The following MAGI1 variants were observed in gnomAD, a reference collection of about 807,000 sequenced individuals.
MAGI1 encodes membrane associated guanylate kinase, WW and PDZ domain containing 1.
Under a neutral mutation model 139.9 loss-of-function variants are expected in MAGI1, and 58 were observed. That is an observed-to-expected ratio of 0.41 (90% confidence interval 0.34 to 0.52). The LOEUF (loss-of-function observed/expected upper bound fraction) is 0.52, where lower values mean the gene tolerates loss of function less well. Ranked by LOEUF, MAGI1 falls within the 20% of genes least tolerant of loss-of-function variation. The pLI is 0.12. For synonymous variants in MAGI1, 812 were observed against 737.9 expected (o/e 1.10, Z -1.63); for missense variants, 1,874 against 1,901.6 (o/e 0.99, Z 0.27).
chr3:65,758,751 G>A (rs1326208447), intron 1 of MAGI1, among the ~76,000 whole-genome samples: 1 of 151,996 alleles, frequency 6.6e-6, no homozygotes, highest in Non-Finnish European at 1.5e-5. Flanking sequence ...TGGCAAGGTT[G>A]AGAAACTGTG....
chr3:65,527,169 C>G lies in MAGI1; in HGVS notation c.431-33538G>C, dbSNP rs573712065. Among the ~76,000 whole-genome samples the G allele has an allele frequency of 1.2e-4, 19 of 152,338 alleles. No homozygotes were observed. In the East Asian group the frequency reaches 3.3e-3, roughly 26 times the overall value. Reference sequence around the variant, plus strand: ...AACAGCTCCTTTGTCACACCAGTGGCTCCTTTTAGGAAGCAAAGACCCAGC... The same window carrying G: ...AACAGCTCCTTTGTCACACCAGTGGGTCCTTTTAGGAAGCAAAGACCCAGC... On this transcript the variant is annotated intron_variant, in intron 2 of 22. Coordinates refer to ENST00000402939, the MANE Select transcript of MAGI1 (RefSeq NM_001033057.2).
chr3:65,897,535 G>A (rs2061026199), intron 1 of MAGI1, among the ~76,000 whole-genome samples: 1 of 152,144 alleles, frequency 6.6e-6, no homozygotes. Context: ...GTTAATGGGT[G>A]CAGCAAACCA....
intron 1 of MAGI1, among the ~76,000 whole-genome samples, chr3:65,866,280 C>A (rs890440049): frequency 6.7e-6 from 1 of 148,678 alleles, no homozygotes; most frequent in Non-Finnish European, 1.5e-5. Flanking sequence ...GTGGTGTGAT[C>A]ATGGCTCACT....
At chr3:65,361,040 A>T in intron 22 of MAGI1, 159 bp downstream of exon 22, 1 of 1,513,330 alleles carries the variant, frequency 6.6e-7, no homozygotes, top group Non-Finnish European at 8.9e-7. Flanking sequence ...AAATGTGTAG[A>T]GATTTCAGAA....
chr3:65,646,029 A>T (rs533042495), intron 1 of MAGI1, among the ~76,000 whole-genome samples: 53 of 152,188 alleles, frequency 3.5e-4, no homozygotes, highest in Non-Finnish European at 5.9e-4. Context: ...AAATAAAAAG[A>T]CATAATTTTT....
intron 1 of MAGI1, among the ~76,000 whole-genome samples, chr3:65,989,280 C>A (rs1243901442): frequency 2.0e-5 from 3 of 152,156 alleles, no homozygotes; most frequent in Non-Finnish European, 4.4e-5. Context: ...ACCACATTCT[C>A]AGCTCAGTGT....
intron 1 of MAGI1, among the ~76,000 whole-genome samples, chr3:66,035,160 T>C (rs1309138145): frequency 6.6e-6 from 1 of 152,208 alleles, no homozygotes; most frequent in African/African-American, 2.4e-5. Flanking sequence ...AAGGACTGTC[T>C]TCTCCATTTA....
intron 1 of MAGI1, among the ~76,000 whole-genome samples, chr3:65,657,582 A>C (rs2085951781): frequency 6.6e-6 from 1 of 152,176 alleles, no homozygotes; most frequent in East Asian, 1.9e-4. Context: ...GCCCAAATGA[A>C]CACCACTCTC....
chr3:65,477,712 T>TTTA (rs1553650546), intron 4 of MAGI1, among the ~76,000 whole-genome samples: 5 of 88,670 alleles, frequency 5.6e-5, no homozygotes, highest in African/African-American at 2.3e-4. Flanking sequence ...ATTATTATTA[T>TTTA]TTTTTTTTTT....
At chr3:65,557,695 T>C (rs1053196443) in intron 2 of MAGI1, among the ~76,000 whole-genome samples, 1 of 152,204 alleles carries the variant, frequency 6.6e-6, no homozygotes, top group Non-Finnish European at 1.5e-5. Context: ...AGTGCCAGTC[T>C]CCTCATCAGT....
intron 2 of MAGI1, among the ~76,000 whole-genome samples, chr3:65,552,258 G>T (rs913753983): frequency 9.3e-6 from 1 of 107,522 alleles, no homozygotes; most frequent in African/African-American, 3.8e-5. Context: ...GTGTGTATAG[G>T]GGTGTGTGTG....
intron 14 of MAGI1, among the ~76,000 whole-genome samples, chr3:65,384,780 G>GT (rs1943316674): frequency 6.8e-6 from 1 of 147,822 alleles, no homozygotes; most frequent in Non-Finnish European, 1.5e-5. Context: ...TATAGGAAGG[G>GT]GTGTGTGTGT....
At chr3:65,795,726 C>CACACACACAT (rs1553708462) in intron 1 of MAGI1, among the ~76,000 whole-genome samples, 1 of 149,040 alleles carries the variant, frequency 6.7e-6, no homozygotes, top group Non-Finnish European at 1.5e-5. Flanking sequence ...CACACACACA[C>CACACACACAT]GGAGAGAGAG....
At chr3:65,517,007 C>T (rs535553524) in intron 2 of MAGI1, among the ~76,000 whole-genome samples, 5 of 151,780 alleles carry the variant, frequency 3.3e-5, no homozygotes, top group Non-Finnish European at 5.9e-5. Context: ...GGATTACAGG[C>T]GTGAGCCACC....
intron 1 of MAGI1, among the ~76,000 whole-genome samples, chr3:65,892,976 C>T (rs1359343045): frequency 6.6e-6 from 1 of 152,134 alleles, no homozygotes; most frequent in African/African-American, 2.4e-5. Context: ...AGTAAAACTG[C>T]AATCATTGTT....
intron 1 of MAGI1, among the ~76,000 whole-genome samples, chr3:65,694,828 T>C (rs963655387): frequency 2.0e-5 from 3 of 152,246 alleles, no homozygotes; most frequent in South Asian, 2.1e-4. Flanking sequence ...AACAAAATAC[T>C]GCAATCACTA....
intron 4 of MAGI1, among the ~76,000 whole-genome samples, chr3:65,477,317 T>C (rs1575920436): frequency 6.6e-6 from 1 of 152,200 alleles, no homozygotes; most frequent in East Asian, 1.9e-4. Context: ...AAACTTTTCC[T>C]AAATATTCTG....
intron 1 of MAGI1, among the ~76,000 whole-genome samples, chr3:65,761,059 G>A (rs757869467): frequency 8.5e-5 from 13 of 152,160 alleles, no homozygotes; most frequent in South Asian, 2.1e-4. Flanking sequence ...CTGAAGTTAC[G>A]CAGATATCTG....
At chr3:66,021,049 G>C (rs550447268) in intron 1 of MAGI1, among the ~76,000 whole-genome samples, 1 of 152,274 alleles carries the variant, frequency 6.6e-6, no homozygotes, top group South Asian at 2.1e-4. Flanking sequence ...CCGTGTCTTG[G>C]AGCAGCTGGA....
Sources: allele counts gnomAD v4.1 joint callset (sites outside exome capture counted in the v4.1 genomes callset), GRCh38; gene constraint gnomAD v4.1.1; transcripts MANE v1.5; gene names NCBI Gene and HGNC (gene_info 2026-07-23, HGNC 2026-07-21).